Variants in CDADC1 observed in about 807,000 individuals in gnomAD.
The protein encoded by CDADC1 is cytidine and dCMP deaminase domain containing 1.
A neutral mutation model predicts 54.9 loss-of-function variants in CDADC1; 39 were observed. The ratio of observed to expected loss-of-function variants is 0.71; its 90% CI spans 0.55 to 0.93. The LOEUF (loss-of-function observed/expected upper bound fraction) is 0.93, where lower values mean the gene tolerates loss of function less well. Ranked by LOEUF, CDADC1 falls within the 40% of genes least tolerant of loss-of-function variation. The probability of loss-of-function intolerance (pLI) is 0.00; values close to 1 mark genes in which losing one functional copy is unlikely to be tolerated. For synonymous variants in CDADC1, 186 were observed against 204.0 expected (o/e 0.91, Z 0.75); for missense variants, 518 against 618.8 (o/e 0.84, Z 1.73).
intron 5 of CDADC1, among the ~76,000 whole-genome samples, chr13:49,270,046 T>C (rs1952924261): frequency 6.6e-6 from 1 of 151,702 alleles, no homozygotes; most frequent in African/African-American, 2.4e-5. Context: ...TCACTCACTC[T>C]ACTCCACTGT....
intron 1 of CDADC1, chr13:49,248,436 G>A (rs527918430): frequency 2.7e-6 from 1 of 370,260 alleles, no homozygotes; most frequent in South Asian, 6.0e-5. Context: ...CGCACGTGAC[G>A]CTTTCCTGTA....
At position 49,247,975 on chromosome 13, in the gene CDADC1, T is replaced by G; in HGVS notation, c.-63T>G. On this transcript the variant is annotated 5_prime_UTR_variant, in exon 1 of 10. Coordinates refer to ENST00000251108, the MANE Select transcript of CDADC1 (RefSeq NM_030911.4). ...GAGAGGAGGCGAGAGGCGGGGGCGC[T>G]AGGGCCGAGATCATGTCTGACTGGG... The G allele has an allele frequency of 6.9e-7, 1 of 1,454,156 alleles. No individual in the cohort carries two copies. Among genetic ancestry groups the G allele is most frequent in the Non-Finnish European group, 9.4e-7 (1 of 1,060,346 alleles). The allele number at this position is 1,454,156 out of a possible 1,614,324, so 90.1% of individuals were successfully genotyped here.
Position 49,247,963 on chromosome 13 carries a change from AGGC to A in CDADC1, c.-72_-70del, listed in dbSNP as rs955028252. ...CTTACAGTTGCTGAGAGGAGGCGAG[AGGC>A]GGGGGCGCTAGGGCCGAGATCATGT... On this transcript the variant is annotated 5_prime_UTR_variant, in exon 1 of 10. Coordinates refer to ENST00000251108, the MANE Select transcript of CDADC1 (RefSeq NM_030911.4). 7.4e-6 allele frequency: 10 copies of A among 1,349,926 alleles called. No homozygotes were observed. The highest frequency in any genetic ancestry group is 2.5e-5 in the South Asian group (2 of 79,926). The allele number at this position is 1,349,926 out of a possible 1,614,324, so 83.6% of individuals were successfully genotyped here.
rs1347751808 is a variant in CDADC1 at position 49,259,235 on chromosome 13, T to C, written c.253-111T>C. ...AAATGTGCTTTGTACAAACTCTGTT[T>C]AGATAAAGAATTAAACAAAACTTCC... On this transcript the variant is annotated intron_variant, in intron 3 of 9. Transcript: ENST00000251108. 17 of 792,514 alleles carry C rather than the reference T, an allele frequency of 2.1e-5. No individual in the cohort carries two copies. In the Admixed American group the frequency reaches 5.1e-4, roughly 24 times the overall value. The allele number at this position is 792,514 out of a possible 1,614,324, so 49.1% of individuals were successfully genotyped here.
chr13:49,267,024 G>A (rs1438123822), intron 4 of CDADC1, among the ~76,000 whole-genome samples: 1 of 152,168 alleles, frequency 6.6e-6, no homozygotes, highest in Non-Finnish European at 1.5e-5. Flanking sequence ...TAGAGGCTCT[G>A]TGAGAGGCTG....
Position 49,274,316 on chromosome 13 carries a change from A to G in CDADC1, c.1026A>G (p.Ala342=). ...AGGATCATAAAACAGGAGTTGGGGC[A>G]GTCATTTGGGCAGAAGGGAAATCTG... is the stretch of plus-strand genomic sequence containing the variant. ...RTEDHKTGVG[A]VIWAEGKSRS... is the part of the protein sequence containing the mutation. The change falls in exon 6 of 10, where the codon GCA becomes GCG. Residue 342 remains alanine, a synonymous_variant. Transcript: ENST00000251108. The G allele has an allele frequency of 6.2e-7, 1 of 1,611,630 alleles. No homozygotes were observed. Among genetic ancestry groups the G allele is most frequent in the Non-Finnish European group, 8.5e-7 (1 of 1,178,178 alleles).
At position 49,292,383 on chromosome 13, in the gene CDADC1, G is replaced by C. The variant is rs1047611735; in HGVS notation, c.*626G>C. The C allele has an allele frequency of 1.1e-5, 11 of 990,472 alleles. No homozygotes were observed. The African/African-American group carries it at 1.7e-4, about 16-fold the overall frequency. 61.4% of individuals were successfully genotyped at this position (990,472 alleles called of 1,614,324 possible). A position where few individuals can be genotyped will look rare whatever the true frequency, so the allele number is the denominator to read the frequency against. On this transcript the variant is annotated 3_prime_UTR_variant, in exon 10 of 10. Transcript: ENST00000251108. Reference sequence around the variant, plus strand: ...CAGACTTTGGGTAGCAATAGGAAGAGAGTGTTATTCTGAGACAGTGTCGCT... The same window carrying C: ...CAGACTTTGGGTAGCAATAGGAAGACAGTGTTATTCTGAGACAGTGTCGCT...
At chr13:49,289,496 CAAAG>C (rs1953637617) in intron 9 of CDADC1, among the ~76,000 whole-genome samples, 2 of 152,126 alleles carry the variant, frequency 1.3e-5, no homozygotes, top group South Asian at 4.1e-4. Flanking sequence ...GTCAGAGAGA[CAAAG>C]AATTTGTTGC....
At chr13:49,274,464 C>G in intron 6 of CDADC1, 124 bp downstream of exon 6, 1 of 612,030 alleles carries the variant, frequency 1.6e-6, no homozygotes, top group Non-Finnish European at 2.9e-6. Context: ...GAGATTGAGA[C>G]CATCCTGGCT....
At position 49,278,531 on chromosome 13, in the gene CDADC1, TTCTTGG is replaced by T. The variant is rs1348370684; in HGVS notation, c.1220+14_1220+19del. On this transcript the variant is annotated intron_variant, in intron 7 of 9. Coordinates refer to ENST00000251108, the MANE Select transcript of CDADC1 (RefSeq NM_030911.4). ...GCCTTGACATTTAGGTATGAAATCC[TTCTTGG>T]TGTACTTTTCTTTAAAATGTAGCAA... 1.4e-6 allele frequency: 2 copies of T among 1,474,812 alleles called. No individual in the cohort carries two copies. The highest frequency in any genetic ancestry group is 2.8e-5 in the South Asian group (2 of 71,008). 91.4% of individuals were successfully genotyped at this position (1,474,812 alleles called of 1,614,324 possible).
intron 8 of CDADC1, among the ~76,000 whole-genome samples, chr13:49,284,108 A>T (rs1953435950): frequency 6.6e-6 from 1 of 152,218 alleles, no homozygotes; most frequent in South Asian, 2.1e-4. Flanking sequence ...TGTTGTCACA[A>T]ACCAGGCTAG....
At chr13:49,248,562 G>C (rs1952348908) in intron 1 of CDADC1, 3 of 344,832 alleles carry the variant, frequency 8.7e-6, no homozygotes, top group Admixed American at 4.3e-5. Flanking sequence ...GACGACGTCA[G>C]ATGCGAAGAC....
chr13:49,285,908 G>A (rs887506127), intron 8 of CDADC1, among the ~76,000 whole-genome samples: 6 of 151,692 alleles, frequency 4.0e-5, no homozygotes, highest in Admixed American at 6.6e-5. Context: ...CCACCTCCCA[G>A]GTTCAAGCAA....
chr13:49,282,255 T>TTTTG (rs59429264), intron 8 of CDADC1, among the ~76,000 whole-genome samples: 4 of 118,544 alleles, frequency 3.4e-5, no homozygotes, highest in African/African-American at 1.2e-4. Context: ...TTTTTTTTTT[T>TTTTG]GCTTTTGTTT....
At chr13:49,269,320 GTACAGATGCTATACTTTTTACTTTTATAA>G (rs1952906012) in intron 5 of CDADC1, among the ~76,000 whole-genome samples, 1 of 95,836 alleles carries the variant, frequency 1.0e-5, no homozygotes, top group Non-Finnish European at 2.2e-5. Flanking sequence ...TTTATAAAAA[GTACAGATGCTATACTTTTTACTTTTATAA>G]AAAGTACAAA....
In CDADC1 at chr13:49,292,655, C is replaced by A; in HGVS notation, c.*898C>A. ...AACCTCAAGAATAAATACTGAAAGT[C>A]TTGAAAGTATGGTCATTTCAGCTAT... On this transcript the variant is annotated 3_prime_UTR_variant, in exon 10 of 10. Transcript: ENST00000251108. 1 of 1,200,936 alleles carries A rather than the reference C, an allele frequency of 8.3e-7. No homozygotes were observed. The highest frequency in any genetic ancestry group is 1.1e-6 in the Non-Finnish European group (1 of 949,520). 74.4% of individuals were successfully genotyped at this position (1,200,936 alleles called of 1,614,324 possible).
intron 5 of CDADC1, among the ~76,000 whole-genome samples, chr13:49,270,290 G>T (rs1428294590): frequency 6.6e-6 from 1 of 152,030 alleles, no homozygotes; most frequent in Non-Finnish European, 1.5e-5. Flanking sequence ...GGCACTCATG[G>T]CTCACTGCAG....
chr13:49,257,536 C>T (rs1219508338), intron 3 of CDADC1, among the ~76,000 whole-genome samples: 4 of 152,066 alleles, frequency 2.6e-5, no homozygotes, highest in Non-Finnish European at 4.4e-5. Flanking sequence ...TTTGGGAGGC[C>T]GAGGCGGGCG....
At chr13:49,270,638 T>G (rs1952943407) in intron 5 of CDADC1, among the ~76,000 whole-genome samples, 2 of 152,226 alleles carry the variant, frequency 1.3e-5, no homozygotes, top group African/African-American at 2.4e-5. Context: ...ATATTTGCAC[T>G]AAGAATAATT....
Sources: allele counts gnomAD v4.1 joint callset (sites outside exome capture counted in the v4.1 genomes callset), GRCh38; gene constraint gnomAD v4.1.1; transcripts MANE v1.5; gene names NCBI Gene and HGNC (gene_info 2026-07-23, HGNC 2026-07-21).